CSNK1G1: variants seen among roughly 807,000 people sequenced by gnomAD.
CSNK1G1 encodes the protein casein kinase 1 gamma 1.
A neutral mutation model predicts 59.6 loss-of-function variants in CSNK1G1; 22 were observed. The ratio of observed to expected loss-of-function variants is 0.37; its 90% CI spans 0.26 to 0.53. The LOEUF (loss-of-function observed/expected upper bound fraction) is 0.53. Among genes scored for constraint, CSNK1G1 ranks in the 20% least tolerant of loss-of-function variants. The pLI, the probability that CSNK1G1 is intolerant of heterozygous loss-of-function variation, is 0.89. For missense variants in CSNK1G1, 384 were observed against 519.5 expected (o/e 0.74, Z 2.54); for synonymous variants, 179 against 177.1 (o/e 1.01, Z -0.08).
intron 1 of CSNK1G1, among the ~76,000 whole-genome samples, chr15:64,333,954 G>A (rs960134411): frequency 2.6e-5 from 4 of 151,946 alleles, no homozygotes; most frequent in Admixed American, 6.6e-5. Flanking sequence ...TAATAATGGG[G>A]GACTTCAACA....
At chr15:64,350,034 T>G (rs543901977) in intron 1 of CSNK1G1, among the ~76,000 whole-genome samples, 1 of 152,080 alleles carries the variant, frequency 6.6e-6, no homozygotes, top group Non-Finnish European at 1.5e-5. Flanking sequence ...AATCCACTAC[T>G]GAAAGAGTAA....
intron 1 of CSNK1G1, among the ~76,000 whole-genome samples, chr15:64,311,346 T>C (rs1447527399): frequency 6.6e-6 from 1 of 152,196 alleles, no homozygotes; most frequent in Non-Finnish European, 1.5e-5. Context: ...ATGCCCAGCC[T>C]ACACACGCAT....
At chr15:64,277,755 A>T (rs1218142686) in intron 2 of CSNK1G1, among the ~76,000 whole-genome samples, 5 of 66,002 alleles carry the variant, frequency 7.6e-5, no homozygotes, top group African/African-American at 1.7e-4. Context: ...ATATTTAATA[A>T]TATAGCAATA....
At chr15:64,244,014 C>T (rs111809227) in intron 4 of CSNK1G1, among the ~76,000 whole-genome samples, 1,646 of 151,538 alleles carry the variant, frequency 0.011, 25 homozygotes, top group African/African-American at 0.031. Context: ...ACTAAAAATA[C>T]AAAAACTAGC....
chr15:64,278,377 CGTGT>C (rs56064136), intron 2 of CSNK1G1, among the ~76,000 whole-genome samples: 5,088 of 111,400 alleles, frequency 0.046, 123 homozygotes, highest in Middle Eastern at 0.069. Flanking sequence ...CATGTATGTG[CGTGT>C]GTGTGTGTGT....
At chr15:64,274,383 C>T (rs74245428) in intron 2 of CSNK1G1, among the ~76,000 whole-genome samples, 1 of 152,014 alleles carries the variant, frequency 6.6e-6, no homozygotes, top group African/African-American at 2.4e-5. Flanking sequence ...TAAAACCCTG[C>T]CCATTTAAAA....
At chr15:64,220,664 T>C (rs1345573645) in intron 4 of CSNK1G1, among the ~76,000 whole-genome samples, 1 of 151,956 alleles carries the variant, frequency 6.6e-6, no homozygotes, top group Non-Finnish European at 1.5e-5. Context: ...GTTTTTAGTT[T>C]TACTCTTGCC....
chr15:64,172,044 C>CT, intron 11 of CSNK1G1, 59 bp from the exon 12 acceptor site: 1 of 1,473,366 alleles, frequency 6.8e-7, no homozygotes, highest in Non-Finnish European at 9.5e-7. Flanking sequence ...CAGCAGACTT[C>CT]TGCCTGCTTC....
intron 1 of CSNK1G1, chr15:64,348,490 A>G (rs1450701769): frequency 1.3e-5 from 2 of 152,188 alleles, no homozygotes; most frequent in Non-Finnish European, 2.9e-5. Flanking sequence ...AAAATTAATG[A>G]AAAAAACACA....
chr15:64,248,826 A>T (rs551279002), intron 4 of CSNK1G1, among the ~76,000 whole-genome samples: 1 of 150,134 alleles, frequency 6.7e-6, no homozygotes, highest in South Asian at 2.2e-4. Flanking sequence ...CTACTAAAAA[A>T]ATACAAAAAA....
At chr15:64,298,184 C>A (rs1285822647) in intron 2 of CSNK1G1, among the ~76,000 whole-genome samples, 1 of 152,182 alleles carries the variant, frequency 6.6e-6, no homozygotes, top group Non-Finnish European at 1.5e-5. Context: ...TCCCTTCCCA[C>A]GTAAACTTAT....
intron 10 of CSNK1G1, among the ~76,000 whole-genome samples, chr15:64,198,705 G>A (rs1358936539): frequency 6.7e-6 from 1 of 149,666 alleles, no homozygotes; most frequent in Non-Finnish European, 1.5e-5. Flanking sequence ...AGTAATAAGA[G>A]AGAGATTTGG....
rs114425112 is a variant in CSNK1G1, at chr15:64,217,844, C to G, written c.293-1131G>C. Among the ~76,000 whole-genome samples, 248 of 151,734 alleles carry G rather than the reference C, an allele frequency of 1.6e-3. 2 individuals carry two copies. Among genetic ancestry groups the G allele is most frequent in the African/African-American group, 5.8e-3 (239 of 41,410 alleles). The stretch of plus-strand genomic sequence containing the variant: ...AAAAAAAAAAAAAGATTATAGAACA[C>G]TTAAAAAATTATCTGGTTTCACAGA... On this transcript the variant is annotated intron_variant, in intron 4 of 11. Coordinates refer to ENST00000303052, the MANE Select transcript of CSNK1G1 (RefSeq NM_022048.5).
intron 1 of CSNK1G1, among the ~76,000 whole-genome samples, chr15:64,355,512 G>A (rs1261677208): frequency 6.6e-6 from 1 of 152,196 alleles, no homozygotes; most frequent in Non-Finnish European, 1.5e-5. Flanking sequence ...CCTAAGCTCC[G>A]CCAAGGGCGG....
chr15:64,263,822 CAAAAAA>C (rs869123397), intron 2 of CSNK1G1, among the ~76,000 whole-genome samples: 2 of 53,802 alleles, frequency 3.7e-5, no homozygotes, highest in Admixed American at 2.7e-4. Flanking sequence ...TTTTGTTTAC[CAAAAAA>C]AAAAAAAAAA....
rs928542154 is a variant in CSNK1G1, at chr15:64,318,759, T to C, written c.-224-18036A>G. Among the ~76,000 whole-genome samples, 3 of 151,594 alleles carry C rather than the reference T, an allele frequency of 2.0e-5. No homozygotes were observed. In the East Asian group the frequency reaches 5.9e-4, roughly 30 times the overall value. On this transcript the variant is annotated intron_variant, in intron 1 of 11. Transcript: ENST00000303052. The stretch of plus-strand genomic sequence containing the variant: ...CCAAGTAGCTGGGATTACAGGCACA[T>C]GCTAACGAGCCTGGCTAATTTTTGT...
At chr15:64,199,321 C>A (rs1370485093) in intron 10 of CSNK1G1, among the ~76,000 whole-genome samples, 1 of 145,142 alleles carries the variant, frequency 6.9e-6, no homozygotes. Flanking sequence ...GAGAGATATT[C>A]AAGATTCAAC....
chr15:64,211,504 G>T (rs745817418), intron 6 of CSNK1G1, among the ~76,000 whole-genome samples: 1 of 152,058 alleles, frequency 6.6e-6, no homozygotes, highest in East Asian at 1.9e-4. Flanking sequence ...CAAAAGTCCC[G>T]GCAGGAATGG....
At chr15:64,278,670 G>T (rs763209288) in intron 2 of CSNK1G1, among the ~76,000 whole-genome samples, 34 of 151,850 alleles carry the variant, frequency 2.2e-4, no homozygotes, top group Non-Finnish European at 7.4e-5. Context: ...CTCGTGATCT[G>T]CCCGCCTTGG....
Sources: gnomAD v4.1 joint callset for allele counts (sites outside exome capture counted in the v4.1 genomes callset) on GRCh38, gnomAD v4.1.1 for gene constraint, MANE v1.5 for transcripts, NCBI Gene and HGNC (gene_info 2026-07-23, HGNC 2026-07-21) for gene names.